MYLK3: variants seen among roughly 807,000 people sequenced by gnomAD.
MYLK3 encodes myosin light chain kinase 3.
In MYLK3, 55 loss-of-function variants were observed where a neutral mutation model predicts 76.3. The ratio of observed to expected loss-of-function variants is 0.72; its 90% CI spans 0.58 to 0.90. MYLK3 has a LOEUF of 0.90. Among genes scored for constraint, MYLK3 ranks in the 40% least tolerant of loss-of-function variants. The pLI, the probability that MYLK3 is intolerant of heterozygous loss-of-function variation, is 0.00. For synonymous variants in MYLK3, 416 were observed against 425.4 expected (o/e 0.98, Z 0.27); for missense variants, 973 against 1,053.6 (o/e 0.92, Z 1.06).
intron 10 of MYLK3, chr16:46,711,474 C>T (rs1477226958): frequency 4.3e-6 from 1 of 230,344 alleles, no homozygotes; most frequent in Non-Finnish European, 8.9e-6. Flanking sequence ...CCCCCCACCC[C>T]CTTACCCCTT....
intron 12 of MYLK3, 132 bp from the exon 13 acceptor site, chr16:46,707,895 A>C: frequency 3.7e-6 from 2 of 542,296 alleles, no homozygotes; most frequent in Non-Finnish European, 6.4e-6. Context: ...CTAAAGGGAA[A>C]CAAGTTTCTA....
intron 8 of MYLK3, chr16:46,725,917 A>G (rs564971061): frequency 1.6e-4 from 25 of 152,324 alleles, no homozygotes; most frequent in African/African-American, 5.8e-4. Context: ...GCCAATGTCT[A>G]GAAGGATTTT....
At chr16:46,758,631 G>A (rs1055832199) in intron 1 of MYLK3, among the ~76,000 whole-genome samples, 1 of 152,198 alleles carries the variant, frequency 6.6e-6, no homozygotes, top group Non-Finnish European at 1.5e-5. Flanking sequence ...TTCACAGACA[G>A]GAGGGATCTC....
Position 46,757,423 on chromosome 16 carries a change from G to A in MYLK3, c.-114+5617C>T, listed in dbSNP as rs374028702. Reference sequence around the variant, plus strand: ...ACACTTGCCCAGAGCTGCCCTTACCGCAAATATCTGGGTGTAACCCGACGC... The same window carrying A: ...ACACTTGCCCAGAGCTGCCCTTACCACAAATATCTGGGTGTAACCCGACGC... On this transcript the variant is annotated intron_variant, in intron 1 of 11. Transcript: ENST00000536476. 2.2e-5 allele frequency: 22 copies of A among 985,308 alleles called. No homozygotes were observed. In the East Asian group the frequency reaches 3.4e-4, roughly 15 times the overall value. The allele number at this position is 985,308 out of a possible 1,614,324, so 61.0% of individuals were successfully genotyped here.
intron 4 of MYLK3, among the ~76,000 whole-genome samples, chr16:46,731,126 G>A (rs902279923): frequency 6.6e-6 from 1 of 152,216 alleles, no homozygotes; most frequent in Non-Finnish European, 1.5e-5. Flanking sequence ...GAGGCAGCTG[G>A]AGAAATAAAC....
chr16:46,726,962 T>C (rs1486751186), intron 8 of MYLK3: 2 of 290,974 alleles, frequency 6.9e-6, no homozygotes, highest in African/African-American at 4.3e-5. Flanking sequence ...TTTGAACTTT[T>C]AAAAAAAGTA....
At chr16:46,740,766 G>A (rs191048936) in intron 1 of MYLK3, among the ~76,000 whole-genome samples, 152 of 151,952 alleles carry the variant, frequency 1.0e-3, no homozygotes, top group African/African-American at 3.4e-3. Context: ...TGGCCAGGCT[G>A]GTCTCAAGCT....
chr16:46,728,938 G>T, intron 7 of MYLK3, 86 bp downstream of exon 7: 2 of 967,050 alleles, frequency 2.1e-6, no homozygotes, highest in South Asian at 2.7e-5. Flanking sequence ...AAAGGAGAGA[G>T]AGGGCTTTGC....
chr16:46,761,051 G>C (rs1456629998), intron 1 of MYLK3, among the ~76,000 whole-genome samples: 2 of 152,200 alleles, frequency 1.3e-5, no homozygotes, highest in African/African-American at 4.8e-5. Flanking sequence ...AGCGAACTCA[G>C]CATGTAAGAG....
At position 46,705,450 on chromosome 16, in the gene MYLK3, AC is replaced by A. The variant is rs1229343065; in HGVS notation, c.*2253del. On this transcript the variant is annotated 3_prime_UTR_variant, in exon 13 of 13. Transcript: ENST00000394809. Reference sequence around the variant, plus strand: ...GAGGCTGAGGCACAAGATCACTTGAACCCGGGAGGCAGAGGTTGCAGTGAGC... The same window carrying A: ...GAGGCTGAGGCACAAGATCACTTGAACCGGGAGGCAGAGGTTGCAGTGAGC... 15 of 152,120 alleles carry A rather than the reference AC, an allele frequency of 9.9e-5. 1 individual carries two copies. Among genetic ancestry groups the A allele is most frequent in the African/African-American group, 3.4e-4 (14 of 41,366 alleles). The allele number at this position is 152,120 out of a possible 1,614,324, so 9.4% of individuals were successfully genotyped here.
intron 1 of MYLK3, among the ~76,000 whole-genome samples, chr16:46,743,910 T>C (rs910913133): frequency 6.6e-6 from 1 of 152,224 alleles, no homozygotes; most frequent in Non-Finnish European, 1.5e-5. Context: ...AAAACTAGCT[T>C]TGGTTATATT....
chr16:46,721,235 G>A, intron 8 of MYLK3, 42 bp from the exon 9 acceptor site: 1 of 1,584,652 alleles, frequency 6.3e-7, no homozygotes, highest in Non-Finnish European at 8.7e-7. Flanking sequence ...CAATAGCTGA[G>A]GAGGTCTGCA....
chr16:46,718,171 C>A (rs941985363), intron 9 of MYLK3, among the ~76,000 whole-genome samples: 1 of 152,018 alleles, frequency 6.6e-6, no homozygotes, highest in Non-Finnish European at 1.5e-5. Context: ...GAAATAAAGT[C>A]AAAAAGGGCT....
intron 2 of MYLK3, among the ~76,000 whole-genome samples, chr16:46,739,025 G>T (rs761218181): frequency 3.3e-5 from 5 of 152,272 alleles, no homozygotes; most frequent in Middle Eastern, 6.8e-3. Context: ...ATTTTTAGTA[G>T]AGACAGTATT....
intron 1 of MYLK3, among the ~76,000 whole-genome samples, chr16:46,760,802 C>A (rs1436279441): frequency 1.3e-5 from 2 of 152,108 alleles, no homozygotes; most frequent in Non-Finnish European, 2.9e-5. Context: ...GTAGCAAAGT[C>A]CCAACACTGG....
At chr16:46,716,495 A>ATG (rs769413447) in intron 9 of MYLK3, among the ~76,000 whole-genome samples, 76 of 145,178 alleles carry the variant, frequency 5.2e-4, no homozygotes, top group African/African-American at 1.3e-3. Flanking sequence ...ATGTGTATAT[A>ATG]TATGTGTGTG....
chr16:46,746,168 C>T (rs989078475), intron 1 of MYLK3, among the ~76,000 whole-genome samples: 1 of 152,032 alleles, frequency 6.6e-6, no homozygotes, highest in Non-Finnish European at 1.5e-5. Flanking sequence ...CCTACACACA[C>T]CCTCCCATAC....
chr16:46,729,996 G>A (rs1475839621), intron 5 of MYLK3: 1 of 436,038 alleles, frequency 2.3e-6, no homozygotes, highest in South Asian at 2.3e-5. Context: ...GCACCCCAGG[G>A]AACATCCCCT....
At chr16:46,712,025 C>G (rs1291920377) in intron 10 of MYLK3, among the ~76,000 whole-genome samples, 1 of 138,526 alleles carries the variant, frequency 7.2e-6, no homozygotes. Flanking sequence ...TGGTCTTGCT[C>G]TGTCACTCAG....
Sources: gnomAD v4.1 joint callset for allele counts (sites outside exome capture counted in the v4.1 genomes callset) on GRCh38, gnomAD v4.1.1 for gene constraint, MANE v1.5 for transcripts, NCBI Gene and HGNC (gene_info 2026-07-23, HGNC 2026-07-21) for gene names.